FAAH2: variants seen among roughly 807,000 people sequenced by gnomAD.
The protein encoded by FAAH2 is fatty acid amide hydrolase 2.
Under a neutral mutation model 36.9 loss-of-function variants are expected in FAAH2, and 60 were observed. The ratio of observed to expected loss-of-function variants is 1.63; its 90% CI spans 1.32 to 2.02. The LOEUF is 2.02. Among genes scored for constraint, FAAH2 ranks in the 30% most tolerant of loss-of-function variants. FAAH2 has a pLI of 0.00. For missense variants in FAAH2, 689 were observed against 397.5 expected, an observed-to-expected ratio of 1.73 and a Z score of -6.23; for synonymous variants, 214 against 143.8, an observed-to-expected ratio of 1.49 and a Z score of -3.49.
chrX:57,203,237 G>A, the FAAH2 span, among the ~76,000 whole-genome samples: 2 of 112,097 alleles, frequency 1.8e-5, no homozygotes, highest in African/African-American at 6.5e-5. Context: ...ATTCCTTATG[G>A]GAAACAAAGG....
At chrX:57,149,457 G>C in the FAAH2 span, among the ~76,000 whole-genome samples, 4 of 111,683 alleles carry the variant, frequency 3.6e-5, no homozygotes, top group East Asian at 1.1e-3. Flanking sequence ...TCTATTCAGA[G>C]ATTCAACTTC....
chrX:57,226,826 T>C, the FAAH2 span, among the ~76,000 whole-genome samples: 1 of 111,885 alleles, frequency 8.9e-6, no homozygotes, highest in Non-Finnish European at 1.9e-5. Context: ...CCAAAACTTC[T>C]TGGAGGCTTT....
At chrX:57,184,327 C>A in the FAAH2 span, among the ~76,000 whole-genome samples, 4 of 111,543 alleles carry the variant, frequency 3.6e-5, no homozygotes, top group Admixed American at 9.6e-5. Context: ...TCTTACACCC[C>A]CTCTCCTTTT....
chrX:57,125,250 C>T, the FAAH2 span, among the ~76,000 whole-genome samples: 1 of 112,922 alleles, frequency 8.9e-6, no homozygotes, highest in East Asian at 2.8e-4. Flanking sequence ...TTTTCTGCAT[C>T]TGTTGAGATA....
chrX:57,412,413 C>T (rs762287200), intron 7 of FAAH2, among the ~76,000 whole-genome samples: 1 of 110,932 alleles, frequency 9.0e-6, no homozygotes, highest in South Asian at 3.9e-4. Flanking sequence ...TGATGTTCCC[C>T]TCCCTGTGTT....
At chrX:57,164,788 T>G in the FAAH2 span, among the ~76,000 whole-genome samples, 1 of 112,552 alleles carries the variant, frequency 8.9e-6, no homozygotes, top group Non-Finnish European at 1.9e-5. Flanking sequence ...ATAACAACTC[T>G]TAGGTTGACT....
At chrX:57,355,066 T>G (rs1168055835) in intron 5 of FAAH2, among the ~76,000 whole-genome samples, 1 of 110,626 alleles carries the variant, frequency 9.0e-6, no homozygotes, top group African/African-American at 3.3e-5. Flanking sequence ...AACATTTTTT[T>G]GAATTTGAAT....
rs12385294 is a variant in FAAH2, at chrX:57,352,148, G to A, written c.742+10758G>A. Among the ~76,000 whole-genome samples the A allele has an allele frequency of 1.6e-3, 116 of 72,985 alleles. 5 individuals carry two copies. The highest frequency in any genetic ancestry group is 5.3e-3 in the African/African-American group (101 of 19,170). 63.4% of individuals were successfully genotyped at this position (72,985 alleles called of 115,157 possible). A position where few individuals can be genotyped will look rare whatever the true frequency, so the allele number is the denominator to read the frequency against. On this transcript the variant is annotated intron_variant, in intron 5 of 10. Coordinates refer to ENST00000374900, the MANE Select transcript of FAAH2 (RefSeq NM_174912.4). Reference sequence around the variant, plus strand: ...CATATATATATATGTGTATATATATGCACATATATATACACATATATATAT... The same window carrying A: ...CATATATATATATGTGTATATATATACACATATATATACACATATATATAT...
At chrX:57,161,813 C>A in the FAAH2 span, among the ~76,000 whole-genome samples, 1 of 111,742 alleles carries the variant, frequency 8.9e-6, no homozygotes, top group African/African-American at 3.3e-5. Context: ...ACTCTTTATC[C>A]AATTTGCCAG....
intron 7 of FAAH2, among the ~76,000 whole-genome samples, chrX:57,415,665 T>A (rs1360920245): frequency 8.9e-6 from 1 of 111,783 alleles, no homozygotes; most frequent in Non-Finnish European, 1.9e-5. Context: ...ATTTTTAGAA[T>A]AAGTGTCCTG....
chrX:57,163,084 G>A, the FAAH2 span, among the ~76,000 whole-genome samples: 2 of 111,860 alleles, frequency 1.8e-5, no homozygotes, highest in African/African-American at 3.3e-5. Context: ...CTAACAGACA[G>A]GACCCTCAGC....
At chrX:57,395,103 T>C in intron 7 of FAAH2, 1 of 545,117 alleles carries the variant, frequency 1.8e-6, no homozygotes. Flanking sequence ...TGTCTGAGTC[T>C]AGAGATAGCT....
chrX:57,160,330 G>T, the FAAH2 span, among the ~76,000 whole-genome samples: 1 of 111,174 alleles, frequency 9.0e-6, no homozygotes, highest in East Asian at 2.8e-4. Flanking sequence ...GCCAGGCTTT[G>T]GTATCAGGAT....
At chrX:57,429,191 T>C (rs1487492604) in intron 7 of FAAH2, among the ~76,000 whole-genome samples, 1 of 109,000 alleles carries the variant, frequency 9.2e-6, no homozygotes, top group Admixed American at 9.8e-5. Context: ...AAAAAAAAAT[T>C]AGCTGGGCGT....
At chrX:57,302,488 G>T (rs1285927537) in intron 2 of FAAH2, among the ~76,000 whole-genome samples, 1 of 111,328 alleles carries the variant, frequency 9.0e-6, no homozygotes, top group Admixed American at 9.6e-5. Context: ...TGAAGCATGA[G>T]AATAACCATT....
intron 7 of FAAH2, among the ~76,000 whole-genome samples, chrX:57,421,755 A>G (rs1217053706): frequency 8.9e-6 from 1 of 111,878 alleles, no homozygotes; most frequent in Non-Finnish European, 1.9e-5. Context: ...GGTAATAGTG[A>G]ATTTGTTGAG....
chrX:57,384,572 A>C (rs1229113730), intron 7 of FAAH2, among the ~76,000 whole-genome samples: 3 of 111,766 alleles, frequency 2.7e-5, no homozygotes, highest in Admixed American at 1.9e-4. Context: ...ACACATGAAA[A>C]AATACTCATC....
intron 10 of FAAH2, among the ~76,000 whole-genome samples, chrX:57,471,170 C>T (rs886535458): frequency 8.9e-6 from 1 of 111,743 alleles, no homozygotes; most frequent in South Asian, 3.8e-4. Context: ...GAAGCATTCC[C>T]TTTGGAAACT....
At chrX:57,408,569 G>C (rs867610738) in intron 7 of FAAH2, among the ~76,000 whole-genome samples, 2 of 72,591 alleles carry the variant, frequency 2.8e-5, no homozygotes, top group Non-Finnish European at 6.5e-5. Context: ...TTATTTATTT[G>C]CCTCATTGCT....
Sources: gnomAD v4.1 joint callset for allele counts (sites outside exome capture counted in the v4.1 genomes callset) on GRCh38, gnomAD v4.1.1 for gene constraint, MANE v1.5 for transcripts, NCBI Gene and HGNC (gene_info 2026-07-23, HGNC 2026-07-21) for gene names.